APTX: variants seen among roughly 807,000 people sequenced by gnomAD.
The protein encoded by APTX is forkhead-associated domain histidine triad-like protein.
In APTX, 33 loss-of-function variants were observed where a neutral mutation model predicts 42.3. The ratio of observed to expected loss-of-function variants is 0.78; its 90% CI spans 0.59 to 1.04. The LOEUF (loss-of-function observed/expected upper bound fraction) is 1.04. Among genes scored for constraint, APTX ranks in the 50% least tolerant of loss-of-function variants. The probability of loss-of-function intolerance (pLI) is 0.00; values close to 1 mark genes in which losing one functional copy is unlikely to be tolerated. For synonymous variants in APTX, 130 were observed against 146.7 expected (o/e 0.89, Z 0.82); for missense variants, 421 against 415.1 (o/e 1.01, Z -0.12).
chr9:32,976,244 G>T (rs1323208218), intron 6 of APTX, among the ~76,000 whole-genome samples: 5 of 151,662 alleles, frequency 3.3e-5, no homozygotes, highest in African/African-American at 1.2e-4. Context: ...TGGGGGGCTC[G>T]GGGAGGGACA....
At chr9:33,011,575 G>A (rs1434676201) in intron 1 of APTX, among the ~76,000 whole-genome samples, 3 of 152,114 alleles carry the variant, frequency 2.0e-5, no homozygotes, top group Non-Finnish European at 2.9e-5. Context: ...ATGAGCCACC[G>A]CGCCCGCCCG....
Position 32,987,569 on chromosome 9 carries a change from T to C in APTX, c.458A>G (p.Lys153Arg). The C allele has an allele frequency of 3.1e-6, 5 of 1,614,038 alleles. No homozygotes were observed. The highest frequency in any genetic ancestry group is 4.2e-6 in the Non-Finnish European group (5 of 1,180,042). The change falls in exon 4 of 8, where the codon AAG becomes AGG. Residue 153 changes from lysine (K) to arginine (R), a missense_variant. Physicochemically the swap from Lys to Arg is conservative, Grantham distance 26. Transcript: ENST00000379817. ...CTTTTTGATAGGTGCATCTTTTCCC[T>C]TCTTTAGGGGCACAGAGCATTGGCC... ...NSGQCSVPLK[K>R]GKDAPIKKES...
chr9:33,007,180 G>A (rs1465397860), intron 1 of APTX, among the ~76,000 whole-genome samples: 1 of 152,104 alleles, frequency 6.6e-6, no homozygotes, highest in Non-Finnish European at 1.5e-5. Context: ...CCCAATAGCA[G>A]GGCTTTTAGA....
At chr9:33,023,837 C>A (rs1223447802) in intron 1 of APTX, among the ~76,000 whole-genome samples, 1 of 152,248 alleles carries the variant, frequency 6.6e-6, no homozygotes, top group Non-Finnish European at 1.5e-5. Flanking sequence ...AGCATATATA[C>A]CAACAGACAA....
chr9:32,997,623 G>C (rs201129999), intron 1 of APTX, among the ~76,000 whole-genome samples: 2 of 152,028 alleles, frequency 1.3e-5, no homozygotes, highest in African/African-American at 4.8e-5. Context: ...CAAGCAAAGA[G>C]AACAAGGGCA....
chr9:32,982,600 A>G (rs1563957298), intron 6 of APTX, among the ~76,000 whole-genome samples: 3 of 152,192 alleles, frequency 2.0e-5, no homozygotes, highest in Admixed American at 6.5e-5. Flanking sequence ...TACATCATAC[A>G]GAGTAATATA....
chr9:33,014,921 T>C (rs1173968862), intron 1 of APTX, among the ~76,000 whole-genome samples: 4 of 152,206 alleles, frequency 2.6e-5, no homozygotes, highest in Non-Finnish European at 5.9e-5. Flanking sequence ...ATTCTAGGAA[T>C]AGTTTTACTT....
At chr9:33,005,590 C>T (rs1384388334), upstream of APTX, among the ~76,000 whole-genome samples, 1 of 142,366 alleles carries the variant, frequency 7.0e-6, no homozygotes, top group Non-Finnish European at 1.5e-5. Flanking sequence ...GCATGTCCCA[C>T]CAAGCCTGGC....
chr9:32,985,259 G>A (rs1417953308), intron 5 of APTX, among the ~76,000 whole-genome samples: 1 of 151,398 alleles, frequency 6.6e-6, no homozygotes, highest in Non-Finnish European at 1.5e-5. Context: ...AGCCCTATTA[G>A]ACCTGCCCCT....
At chr9:33,001,033 G>C (rs989829154) in intron 1 of APTX, among the ~76,000 whole-genome samples, 2 of 151,824 alleles carry the variant, frequency 1.3e-5, no homozygotes, top group African/African-American at 2.4e-5. Context: ...TTTTAGTAGA[G>C]ACGGGGTTTC....
At chr9:33,015,078 ATT>A (rs1010946225) in intron 1 of APTX, among the ~76,000 whole-genome samples, 74 of 152,244 alleles carry the variant, frequency 4.9e-4, no homozygotes, top group African/African-American at 1.7e-3. Flanking sequence ...CTCTGGTTCC[ATT>A]TTGTTACTAC....
upstream of APTX, among the ~76,000 whole-genome samples, chr9:33,006,614 C>T (rs1342362822): frequency 6.6e-6 from 1 of 152,048 alleles, no homozygotes; most frequent in Non-Finnish European, 1.5e-5. Context: ...ATAGCTGGGA[C>T]ACCTCATTTT....
chr9:33,021,820 T>A (rs1838405177), intron 1 of APTX, among the ~76,000 whole-genome samples: 1 of 152,012 alleles, frequency 6.6e-6, no homozygotes, highest in Non-Finnish European at 1.5e-5. Context: ...GAATAAAAAA[T>A]TTAAGTTTAA....
At chr9:33,013,783 G>A (rs998307864) in intron 1 of APTX, among the ~76,000 whole-genome samples, 16 of 152,166 alleles carry the variant, frequency 1.1e-4, no homozygotes, top group African/African-American at 3.4e-4. Context: ...CAGCCTGGGC[G>A]ACGGTGCAAG....
chr9:32,973,645 G>A lies in APTX; in HGVS notation c.882C>T (p.Ile294=), dbSNP rs1266643644. ...CTCTACCAGCCTCTTGTACCATCTCGATCACAGCTGCAGGCAAGGAAGAAA... is the reference window on the plus strand; with the variant it reads ...CTCTACCAGCCTCTTGTACCATCTCAATCACAGCTGCAGGCAAGGAAGAAA... The part of the protein sequence containing the change: ...TEYFLESQAV[I]EMVQEAGRVT... Residue 294 remains isoleucine (I), a synonymous_variant, in exon 8 of 8, where the codon ATC becomes ATT. Transcript: ENST00000379817. 6 of 1,610,830 alleles carry A rather than the reference G, an allele frequency of 3.7e-6. No homozygotes were observed. Among genetic ancestry groups the A allele is most frequent in the East Asian group, 2.2e-5 (1 of 44,782 alleles).
At chr9:32,981,791 G>A (rs1000484650) in intron 6 of APTX, among the ~76,000 whole-genome samples, 4 of 152,096 alleles carry the variant, frequency 2.6e-5, no homozygotes, top group African/African-American at 7.2e-5. Flanking sequence ...AAGAACTAAT[G>A]AGAAAGACAG....
chr9:32,995,289 T>TA (rs1166395946), intron 1 of APTX, among the ~76,000 whole-genome samples: 3 of 152,220 alleles, frequency 2.0e-5, no homozygotes, highest in African/African-American at 4.8e-5. Context: ...TAGATGCCCT[T>TA]AAGAACATCT....
intron 1 of APTX, among the ~76,000 whole-genome samples, chr9:33,000,227 T>C (rs1330532979): frequency 6.6e-6 from 1 of 152,190 alleles, no homozygotes; most frequent in Non-Finnish European, 1.5e-5. Context: ...GGACAAAGTA[T>C]GTAAAGCTCA....
chr9:33,019,575 T>C, intron 1 of APTX: 1 of 358,342 alleles, frequency 2.8e-6, no homozygotes, highest in Non-Finnish European at 5.2e-6. Context: ...ACAAAGGCAG[T>C]ACAGGCCGAC....
Sources: gnomAD v4.1 joint callset for allele counts (sites outside exome capture counted in the v4.1 genomes callset) on GRCh38, gnomAD v4.1.1 for gene constraint, MANE v1.5 for transcripts, NCBI Gene and HGNC (gene_info 2026-07-23, HGNC 2026-07-21) for gene names.